MALRD1: variants seen among roughly 807,000 people sequenced by gnomAD.
MALRD1 encodes the protein MAM and LDL receptor class A domain containing 1.
In MALRD1, 247 loss-of-function variants were observed where a neutral mutation model predicts 242.1. The observed-to-expected ratio is 1.02, with a 90% CI of 0.92 to 1.13. The LOEUF (loss-of-function observed/expected upper bound fraction) is 1.13, where lower values mean the gene tolerates loss of function less well. Ranked by LOEUF, MALRD1 falls within the 50% of genes most tolerant of loss-of-function variation. The pLI is 0.00. For missense variants in MALRD1, 2,989 were observed against 2,533.1 expected (o/e 1.18, Z -3.86); for synonymous variants, 995 against 866.6 (o/e 1.15, Z -2.60).
At chr10:19,085,940 A>G (rs1380757005) in intron 2 of MALRD1, among the ~76,000 whole-genome samples, 2 of 152,016 alleles carry the variant, frequency 1.3e-5, no homozygotes, top group Non-Finnish European at 1.5e-5. Context: ...TATTATTTAA[A>G]CCTAAAATAA....
At chr10:19,054,166 G>GT (rs1834596069) in intron 1 of MALRD1, among the ~76,000 whole-genome samples, 1 of 152,038 alleles carries the variant, frequency 6.6e-6, no homozygotes, top group African/African-American at 2.4e-5. Flanking sequence ...TTAAAAAAGT[G>GT]TAAGTGTTAC....
At chr10:19,123,622 T>G in intron 6 of MALRD1, 29 bp downstream of exon 6, 2 of 1,171,372 alleles carry the variant, frequency 1.7e-6, no homozygotes, top group Non-Finnish European at 2.1e-6. Flanking sequence ...TATTCACTTT[T>G]CTGGTATATA....
intron 9 of MALRD1, among the ~76,000 whole-genome samples, 161 bp downstream of exon 9, chr10:19,134,109 T>C (rs1321592332): frequency 6.6e-6 from 1 of 152,148 alleles, no homozygotes; most frequent in Non-Finnish European, 1.5e-5. Flanking sequence ...AATTGTACCT[T>C]TTCCTTCTGA....
At chr10:19,516,477 A>C (rs1833631415) in intron 31 of MALRD1, among the ~76,000 whole-genome samples, 1 of 152,196 alleles carries the variant, frequency 6.6e-6, no homozygotes, top group Admixed American at 6.5e-5. Flanking sequence ...GAAACTCACT[A>C]ATTTATTAAA....
rs116819009 is a variant in MALRD1, at chr10:19,213,939, C to G, written c.2991+4259C>G. The stretch of plus-strand genomic sequence containing the variant: ...GTGAGGCAAGATCCTTCTGGGTATC[C>G]CTGGGAATCTTGAGGTGTTTCTGGT... On this transcript the variant is annotated intron_variant, in intron 18 of 39. Transcript: ENST00000454679. 8.5e-3 allele frequency among the ~76,000 whole-genome samples: 1,288 copies of G among 152,178 alleles called. 14 individuals carry two copies. Among genetic ancestry groups the G allele is most frequent in the African/African-American group, 0.029 (1,220 of 41,508 alleles).
chr10:19,589,936 C>T (rs1023064729), intron 33 of MALRD1, among the ~76,000 whole-genome samples: 5 of 152,112 alleles, frequency 3.3e-5, no homozygotes, highest in African/African-American at 4.8e-5. Flanking sequence ...TAATGAACAA[C>T]AACATGAATT....
At chr10:19,237,650 A>C (rs1215177669) in intron 18 of MALRD1, among the ~76,000 whole-genome samples, 2 of 102,094 alleles carry the variant, frequency 2.0e-5, no homozygotes, top group Admixed American at 2.8e-4. Context: ...ATAAATTATT[A>C]TAATTATATA....
At position 19,607,729 on chromosome 10, in the gene MALRD1, A is replaced by G. The variant is rs1267743987; in HGVS notation, c.5945-48A>G. ...TTGTTGTGAGAATTCATTGGGACAA[A>G]AAAAAATCATGCTGGCATCCCTGAT... is the stretch of plus-strand genomic sequence containing the variant. On this transcript the variant is annotated intron_variant, in intron 34 of 39. Coordinates refer to ENST00000454679, the MANE Select transcript of MALRD1 (RefSeq NM_001142308.3). 3 of 1,522,608 alleles carry G rather than the reference A, an allele frequency of 2.0e-6. No homozygotes were observed. The African/African-American group carries it at 4.2e-5, about 21-fold the overall frequency. 94.3% of individuals were successfully genotyped at this position (1,522,608 alleles called of 1,614,324 possible).
At chr10:19,671,819 G>C (rs1182624242) in intron 36 of MALRD1, among the ~76,000 whole-genome samples, 1 of 152,062 alleles carries the variant, frequency 6.6e-6, no homozygotes, top group African/African-American at 2.4e-5. Flanking sequence ...AGATGGGATG[G>C]GGCAAAATCA....
intron 8 of MALRD1, among the ~76,000 whole-genome samples, chr10:19,129,169 C>T (rs995507025): frequency 2.0e-5 from 3 of 151,986 alleles, no homozygotes; most frequent in African/African-American, 7.2e-5. Flanking sequence ...GTCTCAGGCC[C>T]GCAAGACTAC....
intron 13 of MALRD1, among the ~76,000 whole-genome samples, chr10:19,168,540 A>G (rs12257317): frequency 0.3 from 45,906 of 152,154 alleles, 7,260 homozygotes; most frequent in Admixed American, 0.37. Context: ...GGACCCATCA[A>G]CATTACTGAA....
intron 8 of MALRD1, among the ~76,000 whole-genome samples, chr10:19,130,878 C>G (rs1833074553): frequency 6.6e-6 from 1 of 151,982 alleles, no homozygotes; most frequent in African/African-American, 2.4e-5. Context: ...CGTTAGATAC[C>G]ACACATCATT....
At chr10:19,296,152 AC>A (rs1197456608) in intron 21 of MALRD1, among the ~76,000 whole-genome samples, 2 of 152,130 alleles carry the variant, frequency 1.3e-5, no homozygotes, top group Non-Finnish European at 2.9e-5. Context: ...TAGGCAGATA[AC>A]TTTAAACACA....
intron 31 of MALRD1, among the ~76,000 whole-genome samples, chr10:19,517,402 C>T (rs1362281182): frequency 1.3e-5 from 2 of 152,168 alleles, no homozygotes; most frequent in East Asian, 3.9e-4. Flanking sequence ...AGTTTGAAAT[C>T]TCTCAGTTTG....
At chr10:19,458,550 A>G (rs957805292) in intron 29 of MALRD1, among the ~76,000 whole-genome samples, 1 of 152,172 alleles carries the variant, frequency 6.6e-6, no homozygotes, top group Admixed American at 6.6e-5. Context: ...GTCTTTTTGA[A>G]AATGTATCAC....
chr10:19,149,611 C>T (rs1833866161), intron 11 of MALRD1, among the ~76,000 whole-genome samples: 1 of 152,108 alleles, frequency 6.6e-6, no homozygotes, highest in Non-Finnish European at 1.5e-5. Flanking sequence ...ACTATTGTCC[C>T]TATCTTCTTA....
intron 23 of MALRD1, 147 bp from the exon 24 acceptor site, chr10:19,331,222 C>A: frequency 1.5e-6 from 1 of 685,524 alleles, no homozygotes; most frequent in Non-Finnish European, 2.4e-6. Context: ...GGGTCACTTT[C>A]AACATAGGGA....
intron 30 of MALRD1, among the ~76,000 whole-genome samples, chr10:19,497,156 T>A (rs1837756563): frequency 6.6e-6 from 1 of 152,124 alleles, no homozygotes; most frequent in South Asian, 2.1e-4. Flanking sequence ...TAGTAAAGAA[T>A]GTGCAGGTGA....
chr10:19,254,347 G>T (rs942567183), intron 18 of MALRD1, among the ~76,000 whole-genome samples: 5 of 151,944 alleles, frequency 3.3e-5, no homozygotes, highest in African/African-American at 1.2e-4. Context: ...TTGCTTATCT[G>T]CTTACCAGTT....
Sources: gnomAD v4.1 joint callset for allele counts (sites outside exome capture counted in the v4.1 genomes callset) on GRCh38, gnomAD v4.1.1 for gene constraint, MANE v1.5 for transcripts, NCBI Gene and HGNC (gene_info 2026-07-23, HGNC 2026-07-21) for gene names.